The following EMP2 variants were observed in gnomAD, a reference collection of about 807,000 sequenced individuals.
EMP2 encodes epithelial membrane protein 2.
In EMP2, 19 loss-of-function variants were observed where a neutral mutation model predicts 13.7. The observed-to-expected ratio is 1.38, with a 90% CI of 0.97 to 2.03. The LOEUF is 2.03. Ranked by LOEUF, EMP2 falls within the 30% of genes most tolerant of loss-of-function variation. EMP2 has a pLI of 0.00. For missense variants in EMP2, 253 were observed against 220.7 expected (o/e 1.15, Z -0.93); for synonymous variants, 97 against 84.7 (o/e 1.15, Z -0.80).
At chr16:10,561,326 T>C (rs2050869662) in intron 1 of EMP2, among the ~76,000 whole-genome samples, 1 of 152,162 alleles carries the variant, frequency 6.6e-6, no homozygotes, top group Admixed American at 6.5e-5. Flanking sequence ...GTCAGGACTG[T>C]CACTCAGGAG....
intron 1 of EMP2, among the ~76,000 whole-genome samples, chr16:10,570,095 C>G (rs1021828824): frequency 6.6e-6 from 1 of 152,166 alleles, no homozygotes; most frequent in African/African-American, 2.4e-5. Context: ...GGTGAACTAT[C>G]AGATAGGAAG....
chr16:10,568,464 C>T (rs2050924368), intron 1 of EMP2, among the ~76,000 whole-genome samples: 1 of 152,100 alleles, frequency 6.6e-6, no homozygotes, highest in African/African-American at 2.4e-5. Context: ...TTTCACGATG[C>T]CTCCTGGGAA....
chr16:10,564,135 G>C (rs1371680471), intron 1 of EMP2, among the ~76,000 whole-genome samples: 1 of 152,236 alleles, frequency 6.6e-6, no homozygotes, highest in Non-Finnish European at 1.5e-5. Context: ...TCTAGGAAAA[G>C]TGAGGCATCA....
intron 1 of EMP2, among the ~76,000 whole-genome samples, chr16:10,579,733 CACACA>C (rs1327339860): frequency 2.0e-5 from 3 of 151,974 alleles, no homozygotes; most frequent in Admixed American, 1.3e-4. Flanking sequence ...CACACACACA[CACACA>C]CCCTCAAAGC....
At chr16:10,566,663 T>G (rs547304259) in intron 1 of EMP2, among the ~76,000 whole-genome samples, 2 of 152,320 alleles carry the variant, frequency 1.3e-5, no homozygotes, top group Non-Finnish European at 2.9e-5. Context: ...TTCAGTGGTC[T>G]CCAACCACGA....
chr16:10,568,685 C>T (rs777671306), intron 1 of EMP2, among the ~76,000 whole-genome samples: 2 of 151,760 alleles, frequency 1.3e-5, no homozygotes, highest in African/African-American at 2.4e-5. Context: ...ACCAAGAGGA[C>T]GGTCGGATTA....
In EMP2 at chr16:10,532,603, G is replaced by A. The variant is rs952066864; in HGVS notation, c.*302C>T. On this transcript the variant is annotated 3_prime_UTR_variant, in exon 5 of 5. Transcript: ENST00000359543. ...CCCCATGGTTAAGAAATGTCCTGCCGAGTGCTTTTGGATTTGAGCATTGCT... is the reference window on the plus strand; with the variant it reads ...CCCCATGGTTAAGAAATGTCCTGCCAAGTGCTTTTGGATTTGAGCATTGCT... 5.7e-6 allele frequency: 1 copy of A among 176,940 alleles called. No individual in the cohort carries two copies. 11.0% of individuals were successfully genotyped at this position (176,940 alleles called of 1,614,324 possible).
intron 1 of EMP2, among the ~76,000 whole-genome samples, chr16:10,573,930 C>CTTTTTTTTTT (rs371646297): frequency 2.4e-5 from 2 of 83,172 alleles, no homozygotes; most frequent in Non-Finnish European, 4.3e-5. Context: ...ATGGATAAAC[C>CTTTTTTTTTT]TTTTTTTTTT....
At chr16:10,572,235 C>A (rs923411820) in intron 1 of EMP2, among the ~76,000 whole-genome samples, 1 of 152,120 alleles carries the variant, frequency 6.6e-6, no homozygotes, top group South Asian at 2.1e-4. Context: ...GAGGGAGGAT[C>A]ACTTGAGGCC....
chr16:10,555,537 G>T (rs7195604), intron 1 of EMP2, among the ~76,000 whole-genome samples: 1 of 151,918 alleles, frequency 6.6e-6, no homozygotes, highest in Non-Finnish European at 1.5e-5. Flanking sequence ...GGTATATGGT[G>T]TAAAACAGTC....
At chr16:10,543,418 G>T (rs188978063) in intron 3 of EMP2, 152 bp downstream of exon 3, 11 of 801,706 alleles carry the variant, frequency 1.4e-5, no homozygotes, top group Non-Finnish European at 1.8e-5. Flanking sequence ...GCTGTCCTCC[G>T]CTCCAGCACA....
rs923430270 is a variant in EMP2, at chr16:10,531,921, G to A, written c.*984C>T. Reference sequence around the variant, plus strand: ...GGAGGCTGTACCCCACACCCTGAAGGTGTCTATGAGTTCACATGGCTCAGG... The same window carrying A: ...GGAGGCTGTACCCCACACCCTGAAGATGTCTATGAGTTCACATGGCTCAGG... On this transcript the variant is annotated 3_prime_UTR_variant, in exon 5 of 5. Coordinates refer to ENST00000359543, the MANE Select transcript of EMP2 (RefSeq NM_001424.6). The A allele has an allele frequency of 6.5e-6, 1 of 154,802 alleles. No individual in the cohort carries two copies. Among genetic ancestry groups the A allele is most frequent in the Non-Finnish European group, 1.5e-5 (1 of 68,256 alleles). The allele number at this position is 154,802 out of a possible 1,614,324, so 9.6% of individuals were successfully genotyped here.
chr16:10,558,209 A>T (rs78380419), intron 1 of EMP2, among the ~76,000 whole-genome samples: 7,409 of 151,766 alleles, frequency 0.049, 268 homozygotes, highest in East Asian at 0.13. Context: ...TTATTTTTTG[A>T]AGAAATGGAG....
Position 10,532,011 on chromosome 16 carries a change from G to A in EMP2, c.*894C>T, listed in dbSNP as rs1940837912. The A allele has an allele frequency of 6.5e-6, 1 of 154,834 alleles. No homozygotes were observed. 9.6% of individuals were successfully genotyped at this position (154,834 alleles called of 1,614,324 possible). A position where few individuals can be genotyped will look rare whatever the true frequency, so the allele number is the denominator to read the frequency against. On this transcript the variant is annotated 3_prime_UTR_variant, in exon 5 of 5. Coordinates refer to ENST00000359543, the MANE Select transcript of EMP2 (RefSeq NM_001424.6). The stretch of plus-strand genomic sequence containing the variant: ...ATGGAGGCCAAGGTTTTGGCCTGCT[G>A]TGGGGGTTGCATTCACCTCCCCATC...
chr16:10,566,917 C>G (rs1428128695), intron 1 of EMP2, among the ~76,000 whole-genome samples: 1 of 152,100 alleles, frequency 6.6e-6, no homozygotes, highest in African/African-American at 2.4e-5. Flanking sequence ...CCCCAACAAA[C>G]CAAGCTCACC....
At chr16:10,540,639 A>C (rs1262587282) in intron 3 of EMP2, among the ~76,000 whole-genome samples, 1 of 152,206 alleles carries the variant, frequency 6.6e-6, no homozygotes, top group African/African-American at 2.4e-5. Context: ...TTTGTTTTTT[A>C]ACATGAAAAG....
chr16:10,563,592 C>A (rs948150488), intron 1 of EMP2, among the ~76,000 whole-genome samples: 1 of 152,132 alleles, frequency 6.6e-6, no homozygotes. Context: ...CTCAGCCAGG[C>A]CCAAGGAGTC....
chr16:10,563,196 A>ATTG (rs2142201649), intron 1 of EMP2, among the ~76,000 whole-genome samples: 1 of 151,902 alleles, frequency 6.6e-6, no homozygotes, highest in Non-Finnish European at 1.5e-5. Context: ...TATTATTATT[A>ATTG]TTATTATTAT....
intron 1 of EMP2, among the ~76,000 whole-genome samples, chr16:10,573,636 G>C (rs183157585): frequency 7.9e-5 from 12 of 152,162 alleles, no homozygotes; most frequent in African/African-American, 2.9e-4. Context: ...ATTGAAGTCA[G>C]TAATTCCTGA....
Sources: allele counts gnomAD v4.1 joint callset (sites outside exome capture counted in the v4.1 genomes callset), GRCh38; gene constraint gnomAD v4.1.1; transcripts MANE v1.5; gene names NCBI Gene and HGNC (gene_info 2026-07-23, HGNC 2026-07-21).